Variants in JMJD1C observed in about 807,000 individuals in gnomAD.
JMJD1C encodes the protein jumonji domain-containing protein 1C.
JMJD1C carries 31 observed loss-of-function variants against 245.3 expected under a neutral mutation model. That is an observed-to-expected ratio of 0.13 (90% CI 0.09 to 0.17). JMJD1C has a LOEUF of 0.17. Ranked by LOEUF, JMJD1C falls within the 10% of genes least tolerant of loss-of-function variation. JMJD1C has a pLI of 1.00. For synonymous variants in JMJD1C, 1,057 were observed against 1,017.4 expected, an observed-to-expected ratio of 1.04 and a Z score of -0.74; for missense variants, 2,691 against 3,000.2, an observed-to-expected ratio of 0.90 and a Z score of 2.41.
chr10:63,484,271 T>C (rs1292615639), intron 1 of JMJD1C, among the ~76,000 whole-genome samples: 1 of 146,184 alleles, frequency 6.8e-6, no homozygotes, highest in Non-Finnish European at 1.5e-5. Flanking sequence ...GATAGATAGA[T>C]AAGATAGATA....
At position 63,206,846 on chromosome 10, in the gene JMJD1C, A is replaced by T; in HGVS notation, c.4823T>A (p.Val1608Glu). ...TCTCCTGTTGACTTTATCATCTTTT[A>T]CATATTTATCAACTATGATCTTACT... ...VDSKIIVDKY[V>E]KDDKVNRRKA... Residue 1608 changes from valine to glutamate, a missense_variant, in exon 10 of 26, where the codon GTA becomes GAA. Transcript: ENST00000399262. 1 of 1,600,932 alleles carries T rather than the reference A, an allele frequency of 6.2e-7. No individual in the cohort carries two copies. The highest frequency in any genetic ancestry group is 1.1e-5 in the South Asian group (1 of 87,416).
intron 2 of JMJD1C, among the ~76,000 whole-genome samples, chr10:63,356,754 T>G (rs1424204104): frequency 6.6e-6 from 1 of 152,198 alleles, no homozygotes; most frequent in Non-Finnish European, 1.5e-5. Flanking sequence ...AAGGCAAGTC[T>G]GAGAACATGT....
At chr10:63,344,504 G>C (rs1943642751) in intron 2 of JMJD1C, among the ~76,000 whole-genome samples, 1 of 152,076 alleles carries the variant, frequency 6.6e-6, no homozygotes, top group African/African-American at 2.4e-5. Flanking sequence ...ATTCGTAAAA[G>C]AGAACTGAAA....
intron 2 of JMJD1C, among the ~76,000 whole-genome samples, chr10:63,281,047 A>G (rs932676737): frequency 1.3e-5 from 2 of 150,086 alleles, no homozygotes; most frequent in South Asian, 2.1e-4. Context: ...GTTAGCCAGC[A>G]TGGTCTTGAT....
chr10:63,214,620 G>A lies in JMJD1C; in HGVS notation c.1547C>T (p.Thr516Ile), dbSNP rs41274074. 6.2e-7 allele frequency: 1 copy of A among 1,614,030 alleles called. No homozygotes were observed. Among genetic ancestry groups the A allele is most frequent in the Admixed American group, 1.7e-5 (1 of 60,004 alleles). ...TTCCTGAGCCACCTTTTCTAAATTA[G>A]TGTCATTTGTAATATCAATAACACA... Reference protein sequence around the residue: ...PKCVIDITNDTNLEKVAQENS... With the variant: ...PKCVIDITNDINLEKVAQENS... Residue 516 changes from threonine (T) to isoleucine (I), a missense_variant, in exon 8 of 26, where the codon ACT (threonine) becomes ATT (isoleucine). Around this residue, in one of 9 missense-constraint regions of JMJD1C, gnomAD observed 1,562 missense variants for 1,490.7 expected, o/e 1.05. Transcript: ENST00000399262.
intron 13 of JMJD1C, among the ~76,000 whole-genome samples, chr10:63,195,422 T>C (rs147922522): frequency 6.6e-4 from 100 of 151,880 alleles, no homozygotes; most frequent in African/African-American, 2.0e-3. Context: ...TCAAACCCAG[T>C]CTAAAACTAG....
At chr10:63,173,063 T>TC (rs1407263323) in intron 24 of JMJD1C, among the ~76,000 whole-genome samples, 5 of 151,920 alleles carry the variant, frequency 3.3e-5, no homozygotes. Context: ...AATGATTGCA[T>TC]CTGGAAAAAA....
chr10:63,294,617 T>G (rs1859163156), intron 2 of JMJD1C, among the ~76,000 whole-genome samples: 1 of 152,184 alleles, frequency 6.6e-6, no homozygotes, highest in Non-Finnish European at 1.5e-5. Context: ...AACATAGCCT[T>G]GTCTATGAAT....
rs139374030 is a variant in JMJD1C, at chr10:63,337,624, A to AAAAGAAAAGAAAAAGAAAAAGAAAAG, written c.333+42693_333+42694insCTTTTCTTTTTCTTTTTCTTTTCTTT. On this transcript the variant is annotated intron_variant, in intron 2 of 25. Transcript: ENST00000399262. ...AAAAGAAAAGAAAAGAAAAGAAAAGAAAAAGAAAAGAAAAAAAATCCGCTA... is the reference window on the plus strand; with the variant it reads ...AAAAGAAAAGAAAAGAAAAGAAAAGAAAAGAAAAGAAAAAGAAAAAGAAAAGAAAAGAAAAGAAAAAAAATCCGCTA... Among the ~76,000 whole-genome samples the AAAAGAAAAGAAAAAGAAAAAGAAAAG allele has an allele frequency of 2.5e-3, 148 of 60,140 alleles. 1 individual carries two copies. Among genetic ancestry groups the AAAAGAAAAGAAAAAGAAAAAGAAAAG allele is most frequent in the African/African-American group, 7.1e-3 (96 of 13,478 alleles). 39.5% of individuals were successfully genotyped at this position (60,140 alleles called of 152,430 possible). A position where few individuals can be genotyped will look rare whatever the true frequency, so the allele number is the denominator to read the frequency against.
At chr10:63,272,924 G>A (rs1179284108) in intron 2 of JMJD1C, among the ~76,000 whole-genome samples, 1 of 152,086 alleles carries the variant, frequency 6.6e-6, no homozygotes, top group Non-Finnish European at 1.5e-5. Flanking sequence ...ATAGCACAAA[G>A]TACACTTAGC....
rs2133149325 is a variant in JMJD1C, at chr10:63,207,385, T to C, written c.4284A>G (p.Thr1428=). The C allele has an allele frequency of 1.9e-6, 3 of 1,614,068 alleles. No individual in the cohort carries two copies. Among genetic ancestry groups the C allele is most frequent in the Admixed American group, 1.7e-5 (1 of 60,014 alleles). The change falls in exon 10 of 26, where the codon ACA becomes ACG. Residue 1428 remains threonine, a synonymous_variant. Transcript: ENST00000399262. The stretch of plus-strand genomic sequence containing the variant: ...TTTTTGAAGATACACATTCTGATGA[T>C]GTAGAGGCCAAAATGGTATTTGATA... ...SSLSNTILAS[T]SSECVSSKSV...
At chr10:63,329,746 C>A (rs1564794189) in intron 2 of JMJD1C, among the ~76,000 whole-genome samples, 1 of 152,184 alleles carries the variant, frequency 6.6e-6, no homozygotes, top group Non-Finnish European at 1.5e-5. Context: ...AGTGATACAC[C>A]GTTGATACTC....
intron 1 of JMJD1C, among the ~76,000 whole-genome samples, chr10:63,426,824 T>A (rs910107228): frequency 1.3e-5 from 2 of 152,232 alleles, no homozygotes; most frequent in Admixed American, 6.5e-5. Flanking sequence ...TAGTGTAAGA[T>A]AATATTTTCT....
In JMJD1C at chr10:63,290,352, T is replaced by C. The variant is rs191057079; in HGVS notation, c.334-25588A>G. On this transcript the variant is annotated intron_variant, in intron 2 of 25. Transcript: ENST00000399262. ...GGGAGGGTAAGGCGGGAGGATCACC[T>C]GAGATCAGGAGTTCGAATCCAGCCT... is the stretch of plus-strand genomic sequence containing the variant. 4.7e-3 allele frequency among the ~76,000 whole-genome samples: 714 copies of C among 152,200 alleles called. 5 individuals are homozygous for C. Among genetic ancestry groups the C allele is most frequent in the Middle Eastern group, 0.014 (4 of 292 alleles).
At chr10:63,311,394 A>G (rs1017860549) in intron 2 of JMJD1C, among the ~76,000 whole-genome samples, 3 of 152,094 alleles carry the variant, frequency 2.0e-5, no homozygotes, top group East Asian at 3.9e-4. Context: ...ATAAACAAAC[A>G]AAATAAATAA....
At chr10:63,259,294 A>T (rs1187353052) in intron 3 of JMJD1C, among the ~76,000 whole-genome samples, 2 of 152,232 alleles carry the variant, frequency 1.3e-5, no homozygotes, top group Non-Finnish European at 2.9e-5. Flanking sequence ...ACGACCAAAC[A>T]ACTGGTTAAA....
At chr10:63,243,915 C>A (rs1267680106) in intron 3 of JMJD1C, among the ~76,000 whole-genome samples, 2 of 152,178 alleles carry the variant, frequency 1.3e-5, no homozygotes, top group Non-Finnish European at 2.9e-5. Flanking sequence ...TCCCAGCAAT[C>A]TGCCCAGGAC....
At position 63,195,678 on chromosome 10, in the gene JMJD1C, C is replaced by T. The variant is rs147108537; in HGVS notation, c.5645-1303G>A. 3.8e-3 allele frequency among the ~76,000 whole-genome samples: 583 copies of T among 152,024 alleles called. 5 individuals are homozygous for T. The highest frequency in any genetic ancestry group is 5.1e-3 in the Non-Finnish European group (344 of 67,962). On this transcript the variant is annotated intron_variant, in intron 13 of 25. Transcript: ENST00000399262. Reference sequence around the variant, plus strand: ...TACAGTGGCCAGGCATGGTGGCTCACGCTTGTAATCCCAGCACTTTGGGAG... The same window carrying T: ...TACAGTGGCCAGGCATGGTGGCTCATGCTTGTAATCCCAGCACTTTGGGAG...
rs145809937 is a variant in JMJD1C at position 63,380,677 on chromosome 10, T to C, written c.169-195A>G. The stretch of plus-strand genomic sequence containing the variant: ...TATTTATCATTTGTGTTAGAAACAT[T>C]TCAAATCCTCTTCTAGCTATTTTGA... On this transcript the variant is annotated intron_variant, in intron 1 of 25. Transcript: ENST00000399262. Among the ~76,000 whole-genome samples the C allele has an allele frequency of 9.2e-4, 140 of 152,300 alleles. 4 individuals are homozygous for C. The East Asian group carries it at 0.025, about 27-fold the overall frequency.
Sources: allele counts gnomAD v4.1 joint callset (sites outside exome capture counted in the v4.1 genomes callset), GRCh38; gene constraint gnomAD v4.1.1; regional missense constraint gnomAD v4.1.1; transcripts MANE v1.5; gene names NCBI Gene and HGNC (gene_info 2026-07-23, HGNC 2026-07-21).